The following SH3BP4 variants were observed in gnomAD, a reference collection of about 807,000 sequenced individuals.
SH3BP4 encodes SH3 domain binding protein 4.
In SH3BP4, 33 loss-of-function variants were observed where a neutral mutation model predicts 65.5. That is an observed-to-expected ratio of 0.50 (90% confidence interval 0.38 to 0.67). SH3BP4 has a LOEUF of 0.67. Among genes scored for constraint, SH3BP4 ranks in the 30% least tolerant of loss-of-function variants. SH3BP4 has a pLI of 0.00. For missense variants in SH3BP4, 1,134 were observed against 1,261.4 expected, an observed-to-expected ratio of 0.90 and a Z score of 1.53; for synonymous variants, 552 against 545.5, an observed-to-expected ratio of 1.01 and a Z score of -0.17.
chr2:235,009,505 C>T (rs1197510755), intron 2 of SH3BP4, among the ~76,000 whole-genome samples: 3 of 152,146 alleles, frequency 2.0e-5, no homozygotes, highest in Non-Finnish European at 4.4e-5. Flanking sequence ...GGATTCAGCT[C>T]CTTCCGTTGG....
At chr2:234,975,858 A>C (rs1210226404) in intron 1 of SH3BP4, among the ~76,000 whole-genome samples, 1 of 152,212 alleles carries the variant, frequency 6.6e-6, no homozygotes, top group African/African-American at 2.4e-5. Context: ...CCTGGGCAAC[A>C]GAGCAAGACC....
At chr2:235,053,483 C>T in intron 5 of SH3BP4, 109 bp from the exon 6 acceptor site, 1 of 787,328 alleles carries the variant, frequency 1.3e-6, no homozygotes, top group Non-Finnish European at 2.1e-6. Context: ...AAGAGTGTCC[C>T]AAATAGTGAC....
chr2:235,012,527 C>T (rs1352637094), intron 2 of SH3BP4, among the ~76,000 whole-genome samples: 2 of 152,216 alleles, frequency 1.3e-5, no homozygotes, highest in Non-Finnish European at 2.9e-5. Context: ...ACCAGCCGCA[C>T]CGCAAGGGAG....
At chr2:235,039,285 C>T (rs1299891483) in intron 3 of SH3BP4, among the ~76,000 whole-genome samples, 1 of 152,136 alleles carries the variant, frequency 6.6e-6, no homozygotes, top group East Asian at 1.9e-4. Context: ...AAACTGTCTA[C>T]CTGATTTCCT....
chr2:234,966,887 G>T (rs1377842837), intron 1 of SH3BP4, among the ~76,000 whole-genome samples: 1 of 152,206 alleles, frequency 6.6e-6, no homozygotes, highest in South Asian at 2.1e-4. Flanking sequence ...CATTATTCTT[G>T]ATAGTAGAAA....
In SH3BP4 at chr2:235,042,284, G is replaced by A. The variant is rs35766016; in HGVS notation, c.1515G>A (p.Leu505=). The change falls in exon 4 of 6, where the codon CTG becomes CTA. Residue 505 remains leucine, a synonymous_variant. Coordinates refer to ENST00000392011, the MANE Select transcript of SH3BP4 (RefSeq NM_014521.3). The surrounding 1 kb of genome is among the most constrained non-coding windows in gnomAD (Gnocchi z 7.3). ...ATGACTGTGCCCCAAAGACGCTCCT[G>A]GTCAGCGAGGTCACACGCCAGGCAC... The part of the protein sequence containing the change: ...FGHDCAPKTL[L]VSEVTRQAPN... 24 of 1,614,112 alleles carry A rather than the reference G, an allele frequency of 1.5e-5. No homozygotes were observed. The highest frequency in any genetic ancestry group is 1.9e-5 in the Non-Finnish European group (23 of 1,180,034).
rs1031335345 is a variant in SH3BP4, at chr2:235,042,914, C to T, written c.2145C>T (p.His715=). 1.2e-6 allele frequency: 2 copies of T among 1,613,346 alleles called. No individual in the cohort carries two copies. Among genetic ancestry groups the T allele is most frequent in the South Asian group, 1.1e-5 (1 of 91,080 alleles). Residue 715 remains histidine, a synonymous_variant, in exon 4 of 6, where the codon CAC becomes CAT. Transcript: ENST00000392011. This position sits in a 1 kb window ranked among gnomAD's most constrained non-coding sequence, Gnocchi z 7.3. ...GYYQGRVGLV[H]TKNVLVVGRA... is the part of the protein sequence containing the mutation. Reference sequence around the variant, plus strand: ...ACCAGGGCAGGGTGGGCCTCGTGCACACCAAGAACGTGCTGGTGGTCGGCA... The same window carrying T: ...ACCAGGGCAGGGTGGGCCTCGTGCATACCAAGAACGTGCTGGTGGTCGGCA...
chr2:234,953,354 A>G (rs79399203), intron 1 of SH3BP4, among the ~76,000 whole-genome samples: 2,935 of 152,230 alleles, frequency 0.019, 49 homozygotes, highest in Middle Eastern at 0.031. Context: ...TCTTGCCTAA[A>G]CCAGAGAATC....
chr2:235,009,167 T>C (rs1379885104), intron 2 of SH3BP4, among the ~76,000 whole-genome samples: 2 of 152,216 alleles, frequency 1.3e-5, no homozygotes, highest in African/African-American at 2.4e-5. Context: ...GGACTATTAC[T>C]TGGGATAACC....
chr2:235,053,667 C>G lies in SH3BP4; in HGVS notation c.2743C>G (p.Gln915Glu). Reference protein sequence around the residue: ...QIGDSYRDVIQELHLGLDKMK... With the variant: ...QIGDSYRDVIEELHLGLDKMK... ...CGGGGACAGCTACCGGGATGTCATC[C>G]AGGAGCTGCACCTGGGCCTGGACAA... The change falls in exon 6 of 6, where the codon CAG becomes GAG. Residue 915 changes from glutamine (Q) to glutamate (E), a missense_variant. Coordinates refer to ENST00000392011, the MANE Select transcript of SH3BP4 (RefSeq NM_014521.3). 6.2e-7 allele frequency: 1 copy of G among 1,614,200 alleles called. No individual in the cohort carries two copies. The highest frequency in any genetic ancestry group is 8.5e-7 in the Non-Finnish European group (1 of 1,180,022).
chr2:234,987,926 G>T (rs958059731), intron 1 of SH3BP4, among the ~76,000 whole-genome samples: 4 of 152,182 alleles, frequency 2.6e-5, no homozygotes, highest in Non-Finnish European at 5.9e-5. Context: ...TAACCCACAT[G>T]CATGATGACA....
At chr2:234,964,704 C>T (rs1692795540) in intron 1 of SH3BP4, among the ~76,000 whole-genome samples, 2 of 152,114 alleles carry the variant, frequency 1.3e-5, no homozygotes, top group South Asian at 2.1e-4. Flanking sequence ...ATAGTGAGAC[C>T]CCCTTCCCAA....
In SH3BP4 at chr2:235,033,182, G is replaced by A. The variant is rs1286802996; in HGVS notation, c.-132-1689G>A. Among the ~76,000 whole-genome samples, 1 of 152,192 alleles carries A rather than the reference G, an allele frequency of 6.6e-6. No homozygotes were observed. On this transcript the variant is annotated intron_variant, in intron 2 of 5. Coordinates refer to ENST00000392011, the MANE Select transcript of SH3BP4 (RefSeq NM_014521.3). This position sits in a 1 kb window ranked among gnomAD's most constrained non-coding sequence, Gnocchi z 5.7. ...TGCATTCAAGCACCACAGCCCCGGT[G>A]GCCCAGCAAGGGAGGCTCATCTCTC...
rs1696081407 is a variant in SH3BP4, at chr2:235,052,301, A to G, written c.2479-261A>G. Among the ~76,000 whole-genome samples, 1 of 152,008 alleles carries G rather than the reference A, an allele frequency of 6.6e-6. No individual in the cohort carries two copies. The highest frequency in any genetic ancestry group is 1.5e-5 in the Non-Finnish European group (1 of 68,010). ...TCTATCTGCAAAGACCCCATTTTCAAGTAAGGTCACGTTCTGAGGTTCTGG... is the reference window on the plus strand; with the variant it reads ...TCTATCTGCAAAGACCCCATTTTCAGGTAAGGTCACGTTCTGAGGTTCTGG... On this transcript the variant is annotated intron_variant, in intron 4 of 5. Coordinates refer to ENST00000392011, the MANE Select transcript of SH3BP4 (RefSeq NM_014521.3). This position sits in a 1 kb window ranked among gnomAD's most constrained non-coding sequence, Gnocchi z 5.0.
intron 3 of SH3BP4, among the ~76,000 whole-genome samples, chr2:235,038,131 G>A (rs549570124): frequency 6.8e-6 from 1 of 146,852 alleles, no homozygotes; most frequent in Admixed American, 7.2e-5. Flanking sequence ...CCCTAATGGG[G>A]AGATGGAGGC....
At chr2:234,982,107 T>G (rs1693405942) in intron 1 of SH3BP4, among the ~76,000 whole-genome samples, 1 of 152,224 alleles carries the variant, frequency 6.6e-6, no homozygotes, top group South Asian at 2.1e-4. Flanking sequence ...ACTAAAACAT[T>G]ATTAGTTGTG....
intron 2 of SH3BP4, among the ~76,000 whole-genome samples, chr2:235,003,712 A>G (rs1382295103): frequency 2.0e-5 from 3 of 152,214 alleles, no homozygotes; most frequent in Non-Finnish European, 2.9e-5. Flanking sequence ...TCACGCTCCT[A>G]TGCAGGGAGA....
intron 4 of SH3BP4, 106 bp downstream of exon 4, chr2:235,043,353 A>G: frequency 1.2e-6 from 1 of 822,470 alleles, no homozygotes; most frequent in Non-Finnish European, 1.9e-6. Flanking sequence ...AGTCACCAGG[A>G]CAGTGTCTGT....
intron 1 of SH3BP4, chr2:234,983,177 C>T (rs1000612512): frequency 2.6e-5 from 4 of 152,244 alleles, no homozygotes; most frequent in Non-Finnish European, 4.4e-5. Flanking sequence ...TGCGAAACAC[C>T]CGGGTGCCAA....
Sources: allele counts gnomAD v4.1 joint callset (sites outside exome capture counted in the v4.1 genomes callset), GRCh38; gene constraint gnomAD v4.1.1; non-coding constraint Gnocchi (gnomAD v3.1); transcripts MANE v1.5; gene names NCBI Gene and HGNC (gene_info 2026-07-23, HGNC 2026-07-21).